FHAD1: variants seen among roughly 807,000 people sequenced by gnomAD.
FHAD1 encodes the protein forkhead associated phosphopeptide binding domain 1, also known as forkhead-associated domain-containing protein 1.
Under a neutral mutation model 191.3 loss-of-function variants are expected in FHAD1, and 146 were observed. The observed-to-expected ratio is 0.76, with a 90% CI of 0.67 to 0.88. The LOEUF (loss-of-function observed/expected upper bound fraction) is 0.88. FHAD1 is among the 40% of genes least tolerant of loss of function. The probability of loss-of-function intolerance (pLI) is 0.00; values close to 1 mark genes in which losing one functional copy is unlikely to be tolerated. For missense variants in FHAD1, 1,635 were observed against 1,785.8 expected (o/e 0.92, Z 1.52); for synonymous variants, 616 against 672.3 (o/e 0.92, Z 1.29).
intron 2 of FHAD1, among the ~76,000 whole-genome samples, chr1:15,255,876 C>T (rs1323968722): frequency 1.3e-5 from 2 of 152,120 alleles, no homozygotes; most frequent in Admixed American, 6.5e-5. Flanking sequence ...TTCATGCCAC[C>T]GTAAGGATTT....
rs902312238 is a variant in FHAD1, at chr1:15,301,254, A to G, written c.728A>G (p.Tyr243Cys). The G allele has an allele frequency of 6.4e-7, 1 of 1,551,652 alleles. No homozygotes were observed. Among genetic ancestry groups the G allele is most frequent in the African/African-American group, 1.4e-5 (1 of 73,030 alleles). The change falls in exon 6 of 34, where the codon TAT becomes TGT. Residue 243 changes from tyrosine to cysteine, a missense_variant. Coordinates refer to ENST00000688493, the MANE Select transcript of FHAD1 (RefSeq NM_001391957.1). ...AAAGAGGTCAGCCGTCTCTCAGATT[A>G]TGAAATTGAATCCAAATACAAAGAC... ...LGKEVSRLSD[Y>C]EIESKYKDVI...
intron 23 of FHAD1, chr1:15,364,074 C>G: frequency 3.6e-6 from 1 of 281,300 alleles, no homozygotes; most frequent in Non-Finnish European, 7.0e-6. Flanking sequence ...CAGCTCTGCT[C>G]TGGTCCACTT....
intron 19 of FHAD1, 81 bp downstream of exon 19, chr1:15,349,230 A>G: frequency 9.1e-7 from 1 of 1,093,234 alleles, no homozygotes; most frequent in African/African-American, 1.6e-5. Flanking sequence ...GAAATCGGGC[A>G]GATATCAGAG....
chr1:15,389,420 C>T (rs866469208), intron 32 of FHAD1, among the ~76,000 whole-genome samples: 1 of 122,842 alleles, frequency 8.1e-6, no homozygotes, highest in African/African-American at 3.7e-5. Flanking sequence ...TAAACTCTAG[C>T]CTGAGCAACA....
chr1:15,316,489 G>A lies in FHAD1; in HGVS notation c.1260+22G>A, dbSNP rs1183709809. Reference sequence around the variant, plus strand: ...AACCGTGAGTTGAGCTTCCTCCTTTGTAGGTACCACCAGAAAAAACAGAGT... The same window carrying A: ...AACCGTGAGTTGAGCTTCCTCCTTTATAGGTACCACCAGAAAAAACAGAGT... On this transcript the variant is annotated intron_variant, in intron 9 of 33. Transcript: ENST00000688493. This position sits in a 1 kb window ranked among gnomAD's most constrained non-coding sequence, Gnocchi z 4.3. The A allele has an allele frequency of 1.3e-6, 2 of 1,547,688 alleles. No homozygotes were observed. The highest frequency in any genetic ancestry group is 3.9e-5 in the Admixed American group (2 of 50,896).
chr1:15,243,195 T>C, upstream of FHAD1, among the ~76,000 whole-genome samples: 1 of 152,364 alleles, frequency 6.6e-6, no homozygotes, highest in East Asian at 1.9e-4. Context: ...AAGGCAAGGA[T>C]GGCTGCAGAA....
downstream of FHAD1, among the ~76,000 whole-genome samples, chr1:15,400,993 C>T (rs1360247795): frequency 1.3e-5 from 2 of 152,204 alleles, no homozygotes; most frequent in East Asian, 3.8e-4. Flanking sequence ...ACATTCCCAG[C>T]TGACCCAGAA....
intron 16 of FHAD1, 56 bp from the exon 17 acceptor site, chr1:15,345,027 G>C (rs544861636): frequency 1.2e-5 from 16 of 1,379,922 alleles, no homozygotes; most frequent in Non-Finnish European, 1.4e-5. Context: ...GCCTGGCAGC[G>C]TCCAAATTCC....
chr1:15,308,756 C>T lies in FHAD1; in HGVS notation c.1039+20C>T, dbSNP rs1044359122. ...CATCAGGTGAGCCCTTGGAGTCGGG[C>T]CTGGGAGCTGCCACTCCCGCACCCG... On this transcript the variant is annotated intron_variant, in intron 7 of 33. Transcript: ENST00000688493. 13 of 1,551,358 alleles carry T rather than the reference C, an allele frequency of 8.4e-6. No individual in the cohort carries two copies. The highest frequency in any genetic ancestry group is 5.9e-5 in the Admixed American group (3 of 51,000).
chr1:15,334,672 G>T (rs1342875463), intron 14 of FHAD1: 1 of 152,194 alleles, frequency 6.6e-6, no homozygotes, highest in Non-Finnish European at 1.5e-5. Flanking sequence ...TAATCGGTGG[G>T]GGCTGCTGTC....
chr1:15,360,392 C>T, intron 21 of FHAD1, 86 bp from the exon 22 acceptor site: 2 of 1,214,926 alleles, frequency 1.6e-6, no homozygotes, highest in Non-Finnish European at 2.3e-6. Flanking sequence ...CCCAGTTTAG[C>T]ACCTATGTGT....
At chr1:15,375,767 G>A (rs1699401400) in intron 28 of FHAD1, 37 bp downstream of exon 28, 2 of 1,509,496 alleles carry the variant, frequency 1.3e-6, no homozygotes, top group African/African-American at 1.4e-5. Flanking sequence ...TGACTGGCAT[G>A]TGGAGAGGAG....
chr1:15,296,676 C>T lies in FHAD1; in HGVS notation c.569-8C>T, dbSNP rs1385693926. On this transcript the variant is annotated splice_region_variant and splice_polypyrimidine_tract_variant and intron_variant, in intron 4 of 33. Transcript: ENST00000688493. Reference sequence around the variant, plus strand: ...TCTTTTGTGCTCTCTGCTGATCTCACGCCTTAGTGTGGACCAATGCCATGA... The same window carrying T: ...TCTTTTGTGCTCTCTGCTGATCTCATGCCTTAGTGTGGACCAATGCCATGA... 20 of 1,550,990 alleles carry T rather than the reference C, an allele frequency of 1.3e-5. No homozygotes were observed. The highest frequency in any genetic ancestry group is 2.0e-5 in the Admixed American group (1 of 50,998).
At position 15,341,787 on chromosome 1, in the gene FHAD1, C is replaced by G. The variant is rs1300382682; in HGVS notation, c.2029C>G (p.Leu677Val). Residue 677 changes from leucine to valine, a missense_variant, in exon 16 of 34, where the codon CTG becomes GTG. Physicochemically the swap from Leu to Val is conservative, Grantham distance 32. Transcript: ENST00000688493. ...TCAGCAGTCTTTACTGCAGGAAAAGCTGCGGGAGCATCTGGCAGAGAAGGA... is the reference window on the plus strand; with the variant it reads ...TCAGCAGTCTTTACTGCAGGAAAAGGTGCGGGAGCATCTGGCAGAGAAGGA... ...ETQQSLLQEK[L>V]REHLAEKEKL... is the part of the protein sequence containing the mutation. 6.4e-7 allele frequency: 1 copy of G among 1,551,832 alleles called. No homozygotes were observed. Among genetic ancestry groups the G allele is most frequent in the Non-Finnish European group, 8.7e-7 (1 of 1,146,894 alleles).
intron 24 of FHAD1, among the ~76,000 whole-genome samples, chr1:15,366,847 ATCTGATAGCAGCC>A (rs1220159391): frequency 6.6e-6 from 1 of 152,126 alleles, no homozygotes; most frequent in African/African-American, 2.4e-5. Context: ...TCCTTCTTGC[ATCTGATAGCAGCC>A]TCTCTTTCCC....
downstream of FHAD1, among the ~76,000 whole-genome samples, chr1:15,402,363 T>G (rs1457898878): frequency 6.6e-6 from 1 of 152,182 alleles, no homozygotes; most frequent in East Asian, 1.9e-4. Flanking sequence ...ACTTTAAGTT[T>G]TAGGGTACAT....
At chr1:15,256,423 C>T (rs1372814731) in intron 2 of FHAD1, among the ~76,000 whole-genome samples, 5 of 151,950 alleles carry the variant, frequency 3.3e-5, no homozygotes, top group Non-Finnish European at 7.4e-5. Context: ...GAGGCCGAGG[C>T]GGGCGGATCA....
At position 15,358,205 on chromosome 1, in the gene FHAD1, T is replaced by A. The variant is rs1285207999; in HGVS notation, c.2658T>A (p.Thr886=). The change falls in exon 21 of 34, where the codon ACT becomes ACA. Residue 886 remains threonine, a synonymous_variant. Transcript: ENST00000688493. ...MVEETQKTKA[T]ESLKAESLAL... ...AAGAGACTCAGAAAACAAAGGCAAC[T>A]GAAAGTCTAAAAGCAGAGAGCCTCG... 1 of 1,541,122 alleles carries A rather than the reference T, an allele frequency of 6.5e-7. No individual in the cohort carries two copies.
intron 2 of FHAD1, among the ~76,000 whole-genome samples, chr1:15,267,920 G>A (rs1654248886): frequency 7.3e-6 from 1 of 137,852 alleles, no homozygotes; most frequent in Non-Finnish European, 1.5e-5. Context: ...TATAAAATAT[G>A]TTTTATAGCA....
Sources: gnomAD v4.1 joint callset for allele counts (sites outside exome capture counted in the v4.1 genomes callset) on GRCh38, gnomAD v4.1.1 for gene constraint, Gnocchi (gnomAD v3.1) non-coding constraint, MANE v1.5 for transcripts, NCBI Gene and HGNC (gene_info 2026-07-23, HGNC 2026-07-21) for gene names.